The following AMMECR1L variants were observed in gnomAD, a reference collection of about 807,000 sequenced individuals.
AMMECR1L encodes AMMECR1 like.
Under a neutral mutation model 36.8 loss-of-function variants are expected in AMMECR1L, and 4 were observed. The observed-to-expected ratio is 0.11, with a 90% CI of 0.05 to 0.25. The LOEUF (loss-of-function observed/expected upper bound fraction) is 0.25. Ranked by LOEUF, AMMECR1L falls within the 10% of genes least tolerant of loss-of-function variation. The pLI, the probability that AMMECR1L is intolerant of heterozygous loss-of-function variation, is 1.00. For synonymous variants in AMMECR1L, 147 were observed against 148.0 expected (o/e 0.99, Z 0.05); for missense variants, 232 against 392.1 (o/e 0.59, Z 3.45).
intron 2 of AMMECR1L, among the ~76,000 whole-genome samples, chr2:127,883,163 C>G (rs1691593708): frequency 1.3e-5 from 2 of 150,260 alleles, no homozygotes; most frequent in African/African-American, 4.9e-5. Context: ...GTGGCATGAT[C>G]TCAGCTCACT....
At position 127,871,413 on chromosome 2, in the gene AMMECR1L, G is replaced by C. The variant is rs970282635; in HGVS notation, c.408-54C>G. On this transcript the variant is annotated intron_variant, in intron 3 of 7. Transcript: ENST00000272647. This position sits in a 1 kb window ranked among gnomAD's most constrained non-coding sequence, Gnocchi z 4.3. ...CCAGCCCCAAATTAATCATGGATAA[G>C]AACAAAACCTTTTGGCTTTGTCCCT... is the stretch of plus-strand genomic sequence containing the variant. 1 of 1,552,930 alleles carries C rather than the reference G, an allele frequency of 6.4e-7. No homozygotes were observed. The highest frequency in any genetic ancestry group is 1.4e-5 in the African/African-American group (1 of 73,158).
intron 2 of AMMECR1L, among the ~76,000 whole-genome samples, chr2:127,879,373 C>T (rs1198921333): frequency 6.6e-6 from 1 of 152,186 alleles, no homozygotes; most frequent in Non-Finnish European, 1.5e-5. Context: ...CCTCCCAACT[C>T]TCTCCTGCTC....
At chr2:127,880,366 C>T (rs1194576043) in intron 2 of AMMECR1L, among the ~76,000 whole-genome samples, 2 of 152,162 alleles carry the variant, frequency 1.3e-5, no homozygotes, top group African/African-American at 4.8e-5. Context: ...AATACTCATA[C>T]CTCAACAAAA....
chr2:127,875,193 G>T (rs1285011528), intron 2 of AMMECR1L, among the ~76,000 whole-genome samples: 1 of 152,134 alleles, frequency 6.6e-6, no homozygotes, highest in Non-Finnish European at 1.5e-5. Flanking sequence ...AAAGCCCGCG[G>T]TAAAAATGTA....
chr2:127,876,052 GC>G (rs758513331), intron 2 of AMMECR1L, among the ~76,000 whole-genome samples: 2 of 86,330 alleles, frequency 2.3e-5, no homozygotes, highest in South Asian at 7.8e-4. Context: ...TCCCCGCCCC[GC>G]CCCCCCACCC....
intron 2 of AMMECR1L, among the ~76,000 whole-genome samples, chr2:127,877,022 TATATATATATATAC>T (rs1215163396): frequency 7.5e-5 from 3 of 39,894 alleles, no homozygotes; most frequent in African/African-American, 2.4e-4. Flanking sequence ...TGTCTCCAAA[TATATATATATATAC>T]ATATATATAT....
chr2:127,863,971 A>C lies in AMMECR1L; in HGVS notation c.*1123T>G, dbSNP rs1690575349. ...GTGAAGATTCCCAGCATGTCAGGCA[A>C]GATAAAGGTCCACCTTGTGTAATTA... On this transcript the variant is annotated 3_prime_UTR_variant, in exon 8 of 8. Coordinates refer to ENST00000272647, the MANE Select transcript of AMMECR1L (RefSeq NM_001199140.2). 1 of 152,346 alleles carries C rather than the reference A, an allele frequency of 6.6e-6. No homozygotes were observed. The highest frequency in any genetic ancestry group is 2.4e-5 in the African/African-American group (1 of 41,468). The allele number at this position is 152,346 out of a possible 1,614,324, so 9.4% of individuals were successfully genotyped here.
At chr2:127,882,695 G>C (rs141749009) in intron 2 of AMMECR1L, among the ~76,000 whole-genome samples, 2 of 152,098 alleles carry the variant, frequency 1.3e-5, no homozygotes, top group African/African-American at 4.8e-5. Flanking sequence ...CTGTGCTCAA[G>C]AGATCCTCCT....
chr2:127,876,470 A>G (rs1160078329), intron 2 of AMMECR1L, among the ~76,000 whole-genome samples: 1 of 152,026 alleles, frequency 6.6e-6, no homozygotes, highest in East Asian at 1.9e-4. Flanking sequence ...TCTTTTTGAG[A>G]AAGTCTTACA....
chr2:127,877,187 C>T (rs914915220), intron 2 of AMMECR1L, among the ~76,000 whole-genome samples: 1 of 151,836 alleles, frequency 6.6e-6, no homozygotes, highest in African/African-American at 2.4e-5. Flanking sequence ...CTTGGCTGTG[C>T]ACTCTGGGCT....
rs149933880 is a variant in AMMECR1L, at chr2:127,873,408, C to T, written c.407+420G>A. The stretch of plus-strand genomic sequence containing the variant: ...GTGAGGGGACCCCTGTTAACCAAAT[C>T]GCAGATCCCAGTGAATGAGAGCTCC... On this transcript the variant is annotated intron_variant, in intron 3 of 7. Transcript: ENST00000272647. The surrounding 1 kb of genome is among the most constrained non-coding windows in gnomAD (Gnocchi z 5.2). The T allele has an allele frequency of 1.6e-3, 1,562 of 985,412 alleles. 16 individuals are homozygous for T. The African/African-American group carries it at 0.024, about 15-fold the overall frequency. 61.0% of individuals were successfully genotyped at this position (985,412 alleles called of 1,614,324 possible). A position where few individuals can be genotyped will look rare whatever the true frequency, so the allele number is the denominator to read the frequency against.
At chr2:127,882,640 C>T (rs865910614) in intron 2 of AMMECR1L, among the ~76,000 whole-genome samples, 9 of 152,230 alleles carry the variant, frequency 5.9e-5, no homozygotes, top group Middle Eastern at 3.4e-3. Flanking sequence ...GCGGTCCAGG[C>T]TGGAGTGCAG....
At chr2:127,868,332 A>C (rs1433629199) in intron 6 of AMMECR1L, among the ~76,000 whole-genome samples, 3 of 152,236 alleles carry the variant, frequency 2.0e-5, no homozygotes, top group Non-Finnish European at 4.4e-5. Context: ...CCCCATTACA[A>C]AACATGGTAT....
chr2:127,864,507 G>A lies in AMMECR1L; in HGVS notation c.*587C>T, dbSNP rs999385309. On this transcript the variant is annotated 3_prime_UTR_variant, in exon 8 of 8. Coordinates refer to ENST00000272647, the MANE Select transcript of AMMECR1L (RefSeq NM_001199140.2). ...CCAAAGGGCTTCCGATCTTGATGTG[G>A]GTCTCTGTCCAGGAGCCTCAAAGGA... 6.6e-6 allele frequency: 1 copy of A among 152,266 alleles called. No homozygotes were observed. Among genetic ancestry groups the A allele is most frequent in the African/African-American group, 2.4e-5 (1 of 41,460 alleles). 9.4% of individuals were successfully genotyped at this position (152,266 alleles called of 1,614,324 possible). A position where few individuals can be genotyped will look rare whatever the true frequency, so the allele number is the denominator to read the frequency against.
rs1353608360 is a variant in AMMECR1L, at chr2:127,863,027, G to A, written c.*2067C>T. On this transcript the variant is annotated 3_prime_UTR_variant, in exon 8 of 8. Transcript: ENST00000272647. ...CTCACTGAGCGTGCTCAGGGGTGAA[G>A]GTTTAGCACCAATTTTTTTGCTTTT... 2.0e-5 allele frequency: 3 copies of A among 152,654 alleles called. No homozygotes were observed. In the East Asian group the frequency reaches 5.8e-4, roughly 29 times the overall value. The allele number at this position is 152,654 out of a possible 1,614,324, so 9.5% of individuals were successfully genotyped here.
In AMMECR1L at chr2:127,871,911, G is replaced by A. The variant is rs75348937; in HGVS notation, c.408-552C>T. Reference sequence around the variant, plus strand: ...TTTTAAAAAAAGATTTAAAAAGGCCGGGTGCAGTGGCTCATGCCTGTAATC... The same window carrying A: ...TTTTAAAAAAAGATTTAAAAAGGCCAGGTGCAGTGGCTCATGCCTGTAATC... On this transcript the variant is annotated intron_variant, in intron 3 of 7. Coordinates refer to ENST00000272647, the MANE Select transcript of AMMECR1L (RefSeq NM_001199140.2). This position sits in a 1 kb window ranked among gnomAD's most constrained non-coding sequence, Gnocchi z 4.3. 0.023 allele frequency among the ~76,000 whole-genome samples: 3,443 copies of A among 152,194 alleles called. 123 individuals are homozygous for A. Among genetic ancestry groups the A allele is most frequent in the African/African-American group, 0.078 (3,219 of 41,510 alleles).
At chr2:127,882,332 G>A (rs1293010171) in intron 2 of AMMECR1L, among the ~76,000 whole-genome samples, 1 of 152,136 alleles carries the variant, frequency 6.6e-6, no homozygotes, top group African/African-American at 2.4e-5. Flanking sequence ...TTTCACAGAA[G>A]GGAACAAGCT....
rs1317137503 is a variant in AMMECR1L at position 127,869,449 on chromosome 2, C to A, written c.724+5G>T. On this transcript the variant is annotated splice_donor_5th_base_variant and intron_variant, in intron 6 of 7. Transcript: ENST00000272647. The surrounding 1 kb of genome is among the most constrained non-coding windows in gnomAD (Gnocchi z 4.7). ...TGTCATTAAAATCCCATTCATCCAA[C>A]TCACCTTGTTCCTTAGCAACCTCAG... is the stretch of plus-strand genomic sequence containing the variant. 6.2e-7 allele frequency: 1 copy of A among 1,608,118 alleles called. No homozygotes were observed. The highest frequency in any genetic ancestry group is 8.5e-7 in the Non-Finnish European group (1 of 1,174,516).
chr2:127,882,096 GT>G (rs1691524139), intron 2 of AMMECR1L, among the ~76,000 whole-genome samples: 3 of 152,154 alleles, frequency 2.0e-5, no homozygotes, highest in Admixed American at 2.0e-4. Flanking sequence ...AAAAACTGTT[GT>G]CAAAGTAGTT....
Sources: gnomAD v4.1 joint callset for allele counts (sites outside exome capture counted in the v4.1 genomes callset) on GRCh38, gnomAD v4.1.1 for gene constraint, Gnocchi (gnomAD v3.1) non-coding constraint, MANE v1.5 for transcripts, NCBI Gene and HGNC (gene_info 2026-07-23, HGNC 2026-07-21) for gene names.